ATP8B1: variants seen among roughly 807,000 people sequenced by gnomAD.
ATP8B1 encodes the protein ATPase phospholipid transporting 8B1.
A neutral mutation model predicts 149.9 loss-of-function variants in ATP8B1; 80 were observed. That is an observed-to-expected ratio of 0.53 (90% CI 0.45 to 0.64). The LOEUF is 0.64. Ranked by LOEUF, ATP8B1 falls within the 30% of genes least tolerant of loss-of-function variation. The pLI, the probability that ATP8B1 is intolerant of heterozygous loss-of-function variation, is 0.00. For missense variants in ATP8B1, 1,247 were observed against 1,552.6 expected, an observed-to-expected ratio of 0.80 and a Z score of 3.31; for synonymous variants, 536 against 562.8, an observed-to-expected ratio of 0.95 and a Z score of 0.67.
rs750579037 is a variant in ATP8B1 at position 57,697,879 on chromosome 18, AAAT to A, written c.555-15_555-13del. ...TAGCAACTTTGAACCTAAGGATTAA[AAAT>A]AATGAGGATTTATTGACATTTTAAG... On this transcript the variant is annotated splice_polypyrimidine_tract_variant and intron_variant, in intron 6 of 27. Coordinates refer to ENST00000648908, the MANE Select transcript of ATP8B1 (RefSeq NM_001374385.1). The A allele has an allele frequency of 3.1e-6, 5 of 1,599,384 alleles. No homozygotes were observed. The highest frequency in any genetic ancestry group is 4.3e-6 in the Non-Finnish European group (5 of 1,166,732).
chr18:57,674,744 C>G (rs1911488561), intron 16 of ATP8B1, 90 bp downstream of exon 16: 3 of 1,450,302 alleles, frequency 2.1e-6, no homozygotes, highest in Non-Finnish European at 2.9e-6. Flanking sequence ...AGCTCTTTCA[C>G]TGGCTGCTTT....
intron 26 of ATP8B1, among the ~76,000 whole-genome samples, chr18:57,651,663 C>T (rs543457362): frequency 1.2e-4 from 18 of 151,778 alleles, no homozygotes; most frequent in East Asian, 3.9e-4. Context: ...GACAGGGTCC[C>T]GCTCTGTCAC....
chr18:57,737,423 G>A (rs111583482), intron 1 of ATP8B1, among the ~76,000 whole-genome samples: 8 of 151,838 alleles, frequency 5.3e-5, no homozygotes, highest in African/African-American at 1.7e-4. Context: ...CTCTGCCACC[G>A]AGGCTGCAGT....
chr18:57,721,567 C>A (rs1459681172), intron 2 of ATP8B1, among the ~76,000 whole-genome samples: 1 of 151,966 alleles, frequency 6.6e-6, no homozygotes, highest in African/African-American at 2.4e-5. Context: ...TATATATGCA[C>A]CCAATACAGG....
intron 21 of ATP8B1, 144 bp downstream of exon 21, chr18:57,662,339 G>T: frequency 1.1e-6 from 1 of 894,918 alleles, no homozygotes; most frequent in African/African-American, 1.7e-5. Context: ...ATATTATTAA[G>T]TCTCAAACTT....
At chr18:57,745,139 C>T (rs912709155) in intron 1 of ATP8B1, among the ~76,000 whole-genome samples, 2 of 152,138 alleles carry the variant, frequency 1.3e-5, no homozygotes, top group African/African-American at 4.8e-5. Flanking sequence ...TGCTGCTGGC[C>T]TTGAAATTAG....
intron 1 of ATP8B1, among the ~76,000 whole-genome samples, chr18:57,797,305 C>T (rs1356481085): frequency 2.6e-5 from 4 of 152,174 alleles, no homozygotes; most frequent in Non-Finnish European, 5.9e-5. Context: ...AGTAACAAAG[C>T]CATAAATGAC....
intron 2 of ATP8B1, among the ~76,000 whole-genome samples, chr18:57,729,549 C>CTTTCT (rs1341032294): frequency 8.3e-6 from 1 of 120,742 alleles, no homozygotes; most frequent in African/African-American, 3.2e-5. Flanking sequence ...TTCTTTCTTT[C>CTTTCT]TTTTTTTTTT....
At chr18:57,751,955 C>T (rs1457032684) in intron 1 of ATP8B1, among the ~76,000 whole-genome samples, 1 of 152,098 alleles carries the variant, frequency 6.6e-6, no homozygotes, top group Non-Finnish European at 1.5e-5. Flanking sequence ...CCTATAATCC[C>T]AGCACTTTGG....
At chr18:57,773,353 G>A (rs772635675) in intron 1 of ATP8B1, among the ~76,000 whole-genome samples, 23 of 152,156 alleles carry the variant, frequency 1.5e-4, no homozygotes, top group Non-Finnish European at 2.1e-4. Flanking sequence ...ATAAGGTGGT[G>A]CAGACAGAAA....
intron 1 of ATP8B1, among the ~76,000 whole-genome samples, chr18:57,761,725 C>T (rs148516793): frequency 0.015 from 2,262 of 150,714 alleles, 59 homozygotes; most frequent in African/African-American, 0.052. Context: ...GAGGCTGAGG[C>T]GGGCGGATCA....
At chr18:57,791,575 C>T (rs2080465265) in intron 1 of ATP8B1, among the ~76,000 whole-genome samples, 1 of 152,014 alleles carries the variant, frequency 6.6e-6, no homozygotes, top group South Asian at 2.1e-4. Flanking sequence ...AACTTCCGGC[C>T]TCAAGTTATC....
intron 1 of ATP8B1, among the ~76,000 whole-genome samples, chr18:57,745,193 A>G (rs2079953608): frequency 6.6e-6 from 1 of 152,192 alleles, no homozygotes; most frequent in African/African-American, 2.4e-5. Flanking sequence ...CCAAAACACT[A>G]AAGATATATT....
Position 57,668,498 on chromosome 18 carries a change from C to T in ATP8B1, c.2140G>A (p.Val714Ile), listed in dbSNP as rs1487710117. ...TAIEDKLQDG[V>I]PETISKLAKA... ...GCAAGTTTTGAAATGGTTTCTGGAA[C>T]TCCATCCTGTAGCTTGTCTTCAATA... The change falls in exon 19 of 28, where the codon GTT (valine) becomes ATT (isoleucine). Residue 714 changes from valine (V) to isoleucine (I), a missense_variant. Around this residue, in one of 3 missense-constraint regions of ATP8B1, gnomAD observed 853 missense variants for 1,035.7 expected, o/e 0.82. Transcript: ENST00000648908. 3 of 1,603,284 alleles carry T rather than the reference C, an allele frequency of 1.9e-6. No individual in the cohort carries two copies. The highest frequency in any genetic ancestry group is 2.6e-6 in the Non-Finnish European group (3 of 1,175,200).
intron 1 of ATP8B1, among the ~76,000 whole-genome samples, chr18:57,741,690 C>T (rs761186705): frequency 2.0e-5 from 3 of 152,102 alleles, no homozygotes; most frequent in African/African-American, 2.4e-5. Context: ...ACACAGCAAT[C>T]GACAACCAAT....
At chr18:57,738,138 G>A (rs1190782622) in intron 1 of ATP8B1, 1 of 152,180 alleles carries the variant, frequency 6.6e-6, no homozygotes, top group Non-Finnish European at 1.5e-5. Context: ...CTAAGGTCAG[G>A]TGCTGTGTAT....
intron 4 of ATP8B1, among the ~76,000 whole-genome samples, chr18:57,702,517 T>C (rs1345337750): frequency 6.6e-6 from 1 of 152,214 alleles, no homozygotes; most frequent in Non-Finnish European, 1.5e-5. Context: ...GTTAAGAAGC[T>C]GCCTACGGCT....
At chr18:57,761,073 A>ACAT (rs2080148934) in intron 1 of ATP8B1, among the ~76,000 whole-genome samples, 1 of 124,214 alleles carries the variant, frequency 8.1e-6, no homozygotes, top group Admixed American at 8.1e-5. Flanking sequence ...ACATAAAATA[A>ACAT]AATAAATAAA....
chr18:57,752,009 C>T (rs1431028598), intron 1 of ATP8B1, among the ~76,000 whole-genome samples: 1 of 151,884 alleles, frequency 6.6e-6, no homozygotes, highest in African/African-American at 2.4e-5. Flanking sequence ...AGTTCAAGAC[C>T]AGCCTGGGCA....
Sources: gnomAD v4.1 joint callset for allele counts (sites outside exome capture counted in the v4.1 genomes callset) on GRCh38, gnomAD v4.1.1 for gene constraint, gnomAD v4.1.1 regional missense constraint, MANE v1.5 for transcripts, NCBI Gene and HGNC (gene_info 2026-07-23, HGNC 2026-07-21) for gene names.